The following MCC variants were observed in gnomAD, a reference collection of about 807,000 sequenced individuals.
The protein encoded by MCC is MCC regulator of Wnt signaling pathway, also known as colorectal mutant cancer protein.
In MCC, 90 loss-of-function variants were observed where a neutral mutation model predicts 116.2. The observed-to-expected ratio is 0.77, with a 90% CI of 0.65 to 0.92. The LOEUF is 0.92. Ranked by LOEUF, MCC falls within the 40% of genes least tolerant of loss-of-function variation. MCC has a pLI of 0.00. For synonymous variants in MCC, 578 were observed against 510.5 expected, an observed-to-expected ratio of 1.13 and a Z score of -1.78; for missense variants, 1,516 against 1,312.2, an observed-to-expected ratio of 1.16 and a Z score of -2.40.
chr5:113,102,777 G>A (rs1477830757), intron 7 of MCC, among the ~76,000 whole-genome samples: 1 of 151,430 alleles, frequency 6.6e-6, no homozygotes, highest in Non-Finnish European at 1.5e-5. Context: ...AAACAAGAGG[G>A]AGAATTACTA....
chr5:113,248,468 G>A (rs1385397928), intron 3 of MCC, among the ~76,000 whole-genome samples: 3 of 152,050 alleles, frequency 2.0e-5, no homozygotes, highest in East Asian at 1.9e-4. Flanking sequence ...GAGTAAAGTC[G>A]ATACAGGATG....
intron 5 of MCC, among the ~76,000 whole-genome samples, chr5:113,129,256 T>C (rs1443693): frequency 0.68 from 102,885 of 152,032 alleles, 35,076 homozygotes; most frequent in East Asian, 0.88. Context: ...GAAGATCAAC[T>C]GTCTGCAGGG....
At chr5:113,149,089 A>C (rs1759689756) in intron 4 of MCC, among the ~76,000 whole-genome samples, 2 of 152,222 alleles carry the variant, frequency 1.3e-5, no homozygotes, top group South Asian at 4.1e-4. Flanking sequence ...GCCAGCTTCC[A>C]ATTAAATGCA....
intron 1 of MCC, among the ~76,000 whole-genome samples, chr5:113,402,572 C>T (rs1041187586): frequency 9.2e-5 from 14 of 152,116 alleles, no homozygotes; most frequent in South Asian, 2.1e-4. Context: ...ATGGCATTAA[C>T]GCAAAAATAA....
intron 1 of MCC, among the ~76,000 whole-genome samples, chr5:113,412,324 T>C (rs1360947569): frequency 6.6e-6 from 1 of 152,234 alleles, no homozygotes; most frequent in East Asian, 1.9e-4. Flanking sequence ...CATTGGTAGC[T>C]TGATGGGGAT....
At chr5:113,033,865 C>G (rs536211774) in intron 17 of MCC, among the ~76,000 whole-genome samples, 1 of 152,096 alleles carries the variant, frequency 6.6e-6, no homozygotes, top group Non-Finnish European at 1.5e-5. Flanking sequence ...GATAAAAGGT[C>G]GTATGACTCT....
chr5:113,214,351 C>T (rs1457866751), intron 3 of MCC, among the ~76,000 whole-genome samples: 1 of 152,250 alleles, frequency 6.6e-6, no homozygotes, highest in Non-Finnish European at 1.5e-5. Context: ...CCACCACATT[C>T]ACAAACTCTG....
intron 1 of MCC, among the ~76,000 whole-genome samples, chr5:113,453,701 G>GT (rs1239206705): frequency 6.6e-6 from 1 of 152,234 alleles, no homozygotes; most frequent in Non-Finnish European, 1.5e-5. Context: ...GATCTCTGGG[G>GT]TAAGGGTGCA....
chr5:113,182,561 A>C (rs1162431194), intron 3 of MCC, among the ~76,000 whole-genome samples: 1 of 151,936 alleles, frequency 6.6e-6, no homozygotes, highest in African/African-American at 2.4e-5. Flanking sequence ...GTACCACTGC[A>C]CTCTAGCCTG....
At chr5:113,188,489 C>A (rs907785495) in intron 3 of MCC, among the ~76,000 whole-genome samples, 8 of 152,112 alleles carry the variant, frequency 5.3e-5, no homozygotes, top group African/African-American at 1.7e-4. Context: ...ATTTAATAAG[C>A]AAATTGGATC....
At chr5:113,343,627 T>C (rs763907857) in intron 2 of MCC, among the ~76,000 whole-genome samples, 3 of 152,228 alleles carry the variant, frequency 2.0e-5, no homozygotes, top group Non-Finnish European at 4.4e-5. Context: ...CCTTGCCTTA[T>C]ATGTTCACCA....
At chr5:113,118,524 T>G (rs1757527846) in intron 6 of MCC, among the ~76,000 whole-genome samples, 1 of 152,150 alleles carries the variant, frequency 6.6e-6, no homozygotes, top group South Asian at 2.1e-4. Context: ...GATGGGTGGT[T>G]ATGAAAACAA....
At chr5:113,087,191 T>A (rs911442559) in intron 8 of MCC, among the ~76,000 whole-genome samples, 1 of 152,218 alleles carries the variant, frequency 6.6e-6, no homozygotes. Flanking sequence ...CCTGCTAACT[T>A]GGGAACCAAA....
In MCC at chr5:113,433,616, A is replaced by C. The variant is rs181805478; in HGVS notation, c.171-48404T>G. 8.8e-4 allele frequency: 1,102 copies of C among 1,250,898 alleles called. 4 individuals carry two copies. In the East Asian group the frequency reaches 9.0e-3, roughly 10 times the overall value. 77.5% of individuals were successfully genotyped at this position (1,250,898 alleles called of 1,614,324 possible). A position where few individuals can be genotyped will look rare whatever the true frequency, so the allele number is the denominator to read the frequency against. ...TACCAAGTTCAAGGGGAGAGAGAAGAAGCTGATGAAAATAGAGGCTCATCT... is the reference window on the plus strand; with the variant it reads ...TACCAAGTTCAAGGGGAGAGAGAAGCAGCTGATGAAAATAGAGGCTCATCT... On this transcript the variant is annotated intron_variant, in intron 1 of 18. Coordinates refer to ENST00000408903, the MANE Select transcript of MCC (RefSeq NM_001085377.2).
At chr5:113,113,509 G>A (rs1757218017) in intron 6 of MCC, among the ~76,000 whole-genome samples, 2 of 152,206 alleles carry the variant, frequency 1.3e-5, no homozygotes, top group African/African-American at 4.8e-5. Context: ...TGTTGCCTCT[G>A]TCTACCTAAG....
At position 113,040,058 on chromosome 5, in the gene MCC, A is replaced by T. The variant is rs1751595279; in HGVS notation, c.2756+3472T>A. ...GTTAAGAAAACATCTCGTGTGCCAG[A>T]CTGGAAACCTGGTCATCCAGATGGG... On this transcript the variant is annotated intron_variant, in intron 17 of 18. Transcript: ENST00000408903. Among the ~76,000 whole-genome samples, 4 of 150,654 alleles carry T rather than the reference A, an allele frequency of 2.7e-5. No homozygotes were observed. In the Admixed American group the frequency reaches 2.7e-4, roughly 10 times the overall value.
At chr5:113,045,026 C>G (rs6877570) in intron 16 of MCC, among the ~76,000 whole-genome samples, 61,150 of 152,100 alleles carry the variant, frequency 0.4, 12,816 homozygotes, top group Non-Finnish European at 0.47. Flanking sequence ...CCTGGGCCGC[C>G]TTCCACCTCC....
chr5:113,153,352 A>G (rs149416778), intron 3 of MCC, among the ~76,000 whole-genome samples: 3 of 152,238 alleles, frequency 2.0e-5, no homozygotes, highest in Admixed American at 2.0e-4. Flanking sequence ...AGAATGCTGC[A>G]TGCTCCCCCA....
At chr5:113,069,468 A>G (rs964362248) in intron 12 of MCC, among the ~76,000 whole-genome samples, 4 of 152,282 alleles carry the variant, frequency 2.6e-5, no homozygotes, top group African/African-American at 7.2e-5. Flanking sequence ...ATATGCCTGC[A>G]GTAGGAACAT....
Sources: gnomAD v4.1 joint callset for allele counts (sites outside exome capture counted in the v4.1 genomes callset) on GRCh38, gnomAD v4.1.1 for gene constraint, MANE v1.5 for transcripts, NCBI Gene and HGNC (gene_info 2026-07-23, HGNC 2026-07-21) for gene names.